AIG1: variants seen among roughly 807,000 people sequenced by gnomAD.
AIG1 encodes androgen induced 1.
A neutral mutation model predicts 31.4 loss-of-function variants in AIG1; 23 were observed. That is an observed-to-expected ratio of 0.73 (90% CI 0.53 to 1.04). The LOEUF (loss-of-function observed/expected upper bound fraction) is 1.04, where lower values mean the gene tolerates loss of function less well. Ranked by LOEUF, AIG1 falls within the 50% of genes least tolerant of loss-of-function variation. AIG1 has a pLI of 0.00. For missense variants in AIG1, 274 were observed against 295.0 expected (o/e 0.93, Z 0.52); for synonymous variants, 100 against 110.5 (o/e 0.90, Z 0.60).
chr6:143,098,778 G>T (rs1428214986), intron 1 of AIG1, among the ~76,000 whole-genome samples: 1 of 152,170 alleles, frequency 6.6e-6, no homozygotes, highest in African/African-American at 2.4e-5. Flanking sequence ...TCCGGGGTAT[G>T]TTGTTCTTAT....
intron 3 of AIG1, among the ~76,000 whole-genome samples, chr6:143,167,917 C>T (rs1032474034): frequency 4.6e-5 from 7 of 152,104 alleles, no homozygotes; most frequent in Admixed American, 6.6e-5. Flanking sequence ...AAAGAAGTTG[C>T]GCATGGTGGC....
chr6:143,265,275 C>G (rs1032295594), intron 3 of AIG1, among the ~76,000 whole-genome samples: 1 of 152,178 alleles, frequency 6.6e-6, no homozygotes, highest in African/African-American at 2.4e-5. Flanking sequence ...TTGTGCTGAG[C>G]CACAGGGGAA....
At chr6:143,228,556 A>G (rs542061750) in intron 3 of AIG1, among the ~76,000 whole-genome samples, 3 of 152,156 alleles carry the variant, frequency 2.0e-5, no homozygotes, top group African/African-American at 7.2e-5. Flanking sequence ...ACAGCCACAG[A>G]CCCACATAAG....
intron 3 of AIG1, chr6:143,188,752 A>G (rs1789511553): frequency 2.0e-6 from 2 of 985,412 alleles, no homozygotes; most frequent in Non-Finnish European, 2.4e-6. Context: ...GATTCTAATA[A>G]TCTCCACAAA....
intron 3 of AIG1, among the ~76,000 whole-genome samples, chr6:143,192,241 G>A (rs1789854194): frequency 6.6e-6 from 1 of 152,202 alleles, no homozygotes; most frequent in South Asian, 2.1e-4. Context: ...CGCCATGCAT[G>A]TGCTTCAATC....
downstream of AIG1, chr6:143,342,293 G>A (rs1274084460): frequency 1.0e-5 from 7 of 685,116 alleles, no homozygotes; most frequent in Admixed American, 2.0e-5. Context: ...GCGGCTCAGC[G>A]TGGGCTCCCC....
At chr6:143,238,983 C>G (rs889942658) in intron 3 of AIG1, among the ~76,000 whole-genome samples, 1 of 152,178 alleles carries the variant, frequency 6.6e-6, no homozygotes, top group African/African-American at 2.4e-5. Flanking sequence ...CTAAAAGAAC[C>G]TCAGTCATCC....
At chr6:143,063,961 G>A (rs981081572) in intron 1 of AIG1, among the ~76,000 whole-genome samples, 1 of 152,142 alleles carries the variant, frequency 6.6e-6, no homozygotes, top group Non-Finnish European at 1.5e-5. Context: ...GTTGCTACCA[G>A]TAATCTTATA....
intron 3 of AIG1, among the ~76,000 whole-genome samples, chr6:143,180,261 T>C (rs1026078374): frequency 1.3e-5 from 2 of 152,188 alleles, no homozygotes; most frequent in Non-Finnish European, 2.9e-5. Context: ...CTGATAGATA[T>C]TGTGAGGCTG....
intron 1 of AIG1, among the ~76,000 whole-genome samples, chr6:143,107,842 G>T (rs970705801): frequency 3.3e-5 from 5 of 152,074 alleles, no homozygotes; most frequent in Admixed American, 3.3e-4. Context: ...TTTATCTTTT[G>T]TGTGTTCCAT....
chr6:143,087,285 T>G (rs978856030), intron 1 of AIG1, among the ~76,000 whole-genome samples: 1 of 152,158 alleles, frequency 6.6e-6, no homozygotes, highest in Non-Finnish European at 1.5e-5. Flanking sequence ...CCTTTTGTTC[T>G]CTCACCTGGG....
intron 3 of AIG1, chr6:143,186,649 C>T (rs996393131): frequency 3.3e-5 from 5 of 152,206 alleles, no homozygotes; most frequent in African/African-American, 1.2e-4. Context: ...CTTTTTTGCT[C>T]TGTTCTTTTT....
At chr6:143,198,857 G>A (rs913949508) in intron 3 of AIG1, among the ~76,000 whole-genome samples, 5 of 152,194 alleles carry the variant, frequency 3.3e-5, no homozygotes, top group Non-Finnish European at 4.4e-5. Flanking sequence ...AAGAAACGTC[G>A]TCTGTAAGTG....
Position 143,188,274 on chromosome 6 carries a change from G to A in AIG1, c.399+23091G>A, listed in dbSNP as rs368690799. 3.2e-5 allele frequency: 32 copies of A among 986,122 alleles called. No homozygotes were observed. The East Asian group carries it at 3.4e-4, about 10-fold the overall frequency. The allele number at this position is 986,122 out of a possible 1,614,324, so 61.1% of individuals were successfully genotyped here. A position where few individuals can be genotyped will look rare whatever the true frequency, so the allele number is the denominator to read the frequency against. Reference sequence around the variant, plus strand: ...CACACTCATAGAGTAAACTGTTGCCGCTGTTTAAACATGTTAATTGATGTT... The same window carrying A: ...CACACTCATAGAGTAAACTGTTGCCACTGTTTAAACATGTTAATTGATGTT... On this transcript the variant is annotated intron_variant, in intron 3 of 5. Transcript: ENST00000357847.
intron 4 of AIG1, among the ~76,000 whole-genome samples, chr6:143,304,906 C>A (rs2128701617): frequency 6.6e-6 from 1 of 152,248 alleles, no homozygotes; most frequent in South Asian, 2.1e-4. Context: ...ATTTCAGAGC[C>A]TGTTATTGGT....
intron 1 of AIG1, among the ~76,000 whole-genome samples, chr6:143,081,744 G>T (rs147037545): frequency 6.6e-6 from 1 of 152,122 alleles, no homozygotes; most frequent in Non-Finnish European, 1.5e-5. Flanking sequence ...GCAGGCAAAA[G>T]TATTTTTTCT....
chr6:143,188,290 A>T, intron 3 of AIG1: 1 of 986,074 alleles, frequency 1.0e-6, no homozygotes, highest in Non-Finnish European at 1.2e-6. Context: ...TAAACATGTT[A>T]ATTGATGTTG....
At chr6:143,254,964 G>C (rs977907662) in intron 3 of AIG1, among the ~76,000 whole-genome samples, 1 of 152,146 alleles carries the variant, frequency 6.6e-6, no homozygotes, top group African/African-American at 2.4e-5. Flanking sequence ...CTGAGCCCCA[G>C]GAGGTTAAGG....
intron 3 of AIG1, among the ~76,000 whole-genome samples, chr6:143,199,940 A>G (rs1398932035): frequency 6.6e-6 from 1 of 152,194 alleles, no homozygotes; most frequent in Non-Finnish European, 1.5e-5. Context: ...GACAGATGGA[A>G]GTGGTGGGGA....
Sources: gnomAD v4.1 joint callset for allele counts (sites outside exome capture counted in the v4.1 genomes callset) on GRCh38, gnomAD v4.1.1 for gene constraint, MANE v1.5 for transcripts, NCBI Gene and HGNC (gene_info 2026-07-23, HGNC 2026-07-21) for gene names.